The following HACD3 variants were observed in gnomAD, a reference collection of about 807,000 sequenced individuals.
HACD3 encodes 3-hydroxyacyl-CoA dehydratase 3.
A neutral mutation model predicts 55.2 loss-of-function variants in HACD3; 30 were observed. The ratio of observed to expected loss-of-function variants is 0.54; its 90% confidence interval spans 0.41 to 0.74. The LOEUF is 0.74. Ranked by LOEUF, HACD3 falls within the 30% of genes least tolerant of loss-of-function variation. The pLI is 0.00. For missense variants in HACD3, 363 were observed against 440.1 expected (o/e 0.82, Z 1.57); for synonymous variants, 141 against 151.7 (o/e 0.93, Z 0.52).
chr15:65,562,230 CTG>C (rs1486096112), intron 5 of HACD3, among the ~76,000 whole-genome samples: 1 of 152,346 alleles, frequency 6.6e-6, no homozygotes, highest in South Asian at 2.1e-4. Flanking sequence ...CTCAGCCTCT[CTG>C]TGCAGTGTTC....
intron 1 of HACD3, among the ~76,000 whole-genome samples, chr15:65,545,455 ATT>A (rs1166511305): frequency 7.1e-5 from 10 of 141,184 alleles, no homozygotes; most frequent in Admixed American, 7.1e-5. Flanking sequence ...TGGATCCTGG[ATT>A]TTTTTTTTTT....
chr15:65,530,695 C>T lies in HACD3; in HGVS notation c.64C>T (p.Arg22Cys). The T allele has an allele frequency of 2.5e-6, 4 of 1,573,496 alleles. No individual in the cohort carries two copies. The highest frequency in any genetic ancestry group is 2.3e-5 in the South Asian group (2 of 85,180). ...TCAGCGACACCGCGAGCTATATCTG[C>T]GCGTGGAGCTGAGTGACGTACAGGT... ...WAQRHRELYL[R>C]VELSDVQNPA... is the part of the protein sequence containing the mutation. Residue 22 changes from arginine to cysteine, a missense_variant, in exon 1 of 11, where the codon CGC (arginine) becomes TGC (cysteine). Arg to Cys is a radical substitution (Grantham distance 180). Coordinates refer to ENST00000261875, the MANE Select transcript of HACD3 (RefSeq NM_016395.4).
rs12333 is a variant in HACD3 at position 65,576,934 on chromosome 15, C to T, written c.*555C>T. The stretch of plus-strand genomic sequence containing the variant: ...TCTAAGAGTGGGGCTAGAGAACATA[C>T]TTTACATCTGACATCCTTTGGCCTA... On this transcript the variant is annotated 3_prime_UTR_variant, in exon 11 of 11. Transcript: ENST00000261875. 51,965 of 152,642 alleles carry T rather than the reference C, an allele frequency of 0.34. 11,651 individuals carry two copies. The highest frequency in any genetic ancestry group is 0.65 in the African/African-American group (26,746 of 41,428). The allele number at this position is 152,642 out of a possible 1,614,324, so 9.5% of individuals were successfully genotyped here.
chr15:65,539,531 T>A (rs565878252), intron 1 of HACD3, among the ~76,000 whole-genome samples: 17 of 152,228 alleles, frequency 1.1e-4, no homozygotes, highest in Middle Eastern at 3.4e-3. Context: ...GGACTTTTTT[T>A]ATACAGTTGG....
intron 1 of HACD3, among the ~76,000 whole-genome samples, chr15:65,531,726 C>T (rs535598563): frequency 2.0e-5 from 3 of 152,082 alleles, no homozygotes; most frequent in Admixed American, 6.6e-5. Context: ...CCACCATGCC[C>T]GGCTAATTTT....
intron 5 of HACD3, among the ~76,000 whole-genome samples, chr15:65,561,423 G>T (rs2072243302): frequency 6.6e-6 from 1 of 151,552 alleles, no homozygotes; most frequent in East Asian, 1.9e-4. Context: ...CCGAGATTGT[G>T]CCACTGCACT....
intron 7 of HACD3, among the ~76,000 whole-genome samples, chr15:65,569,633 A>G (rs1206892995): frequency 6.6e-6 from 1 of 151,938 alleles, no homozygotes; most frequent in Admixed American, 6.6e-5. Flanking sequence ...GCTTGAGCCC[A>G]GAAGTTCAAG....
At chr15:65,565,744 A>ATTACG (rs1367468256) in intron 7 of HACD3, 2 of 152,168 alleles carry the variant, frequency 1.3e-5, no homozygotes, top group Non-Finnish European at 2.9e-5. Flanking sequence ...GGTCTTGGGG[A>ATTACG]TTACATTGGG....
At position 65,553,609 on chromosome 15, in the gene HACD3, T is replaced by G. The variant is rs567829034; in HGVS notation, c.131-1278T>G. ...TTGTATCTGCTTTTCAAGATGAGAG[T>G]AGTCACCACTCAGCTCAGGTTTTTT... On this transcript the variant is annotated intron_variant, in intron 2 of 10. Transcript: ENST00000261875. Among the ~76,000 whole-genome samples, 3 of 152,170 alleles carry G rather than the reference T, an allele frequency of 2.0e-5. No individual in the cohort carries two copies. The South Asian group carries it at 6.2e-4, about 32-fold the overall frequency.
At chr15:65,539,104 G>A (rs1030379494) in intron 1 of HACD3, among the ~76,000 whole-genome samples, 1 of 151,460 alleles carries the variant, frequency 6.6e-6, no homozygotes, top group Non-Finnish European at 1.5e-5. Context: ...TAGCTCCAAG[G>A]TATGCCTGTA....
intron 10 of HACD3, among the ~76,000 whole-genome samples, chr15:65,575,930 T>C (rs962670593): frequency 1.6e-4 from 25 of 152,150 alleles, no homozygotes; most frequent in African/African-American, 6.0e-4. Context: ...CCACCTCTAC[T>C]AAAAATACAA....
intron 2 of HACD3, among the ~76,000 whole-genome samples, chr15:65,554,388 T>C (rs1295243490): frequency 6.6e-6 from 1 of 152,212 alleles, no homozygotes; most frequent in East Asian, 1.9e-4. Context: ...TATCTAGCTG[T>C]TGAGGAGCTC....
At chr15:65,565,525 C>G (rs936263613) in intron 7 of HACD3, 1 of 152,440 alleles carries the variant, frequency 6.6e-6, no homozygotes, top group East Asian at 1.9e-4. Flanking sequence ...CTCACCACCA[C>G]GTGGAAGCTG....
chr15:65,542,227 C>CAAA lies in HACD3; in HGVS notation c.88-9432_88-9430dup, dbSNP rs527287203. Reference sequence around the variant, plus strand: ...CTGGCGACAGAGTGAGACTCCATCTCAAAAAAAAAAAAAAAAAAAGAAAAG... The same window carrying CAAA: ...CTGGCGACAGAGTGAGACTCCATCTCAAAAAAAAAAAAAAAAAAAAAAGAAAAG... On this transcript the variant is annotated intron_variant, in intron 1 of 10. Coordinates refer to ENST00000261875, the MANE Select transcript of HACD3 (RefSeq NM_016395.4). 8.0e-3 allele frequency among the ~76,000 whole-genome samples: 502 copies of CAAA among 63,110 alleles called. 20 individuals carry two copies. Among genetic ancestry groups the CAAA allele is most frequent in the African/African-American group, 0.029 (467 of 16,138 alleles). The allele number at this position is 63,110 out of a possible 152,430, so 41.4% of individuals were successfully genotyped here. A position where few individuals can be genotyped will look rare whatever the true frequency, so the allele number is the denominator to read the frequency against.
intron 4 of HACD3, among the ~76,000 whole-genome samples, chr15:65,558,128 A>G (rs2141217461): frequency 6.6e-6 from 1 of 152,238 alleles, no homozygotes; most frequent in South Asian, 2.1e-4. Context: ...CCAGGTTGCC[A>G]TTGCCTTTAA....
At chr15:65,561,394 A>C (rs2072242884) in intron 5 of HACD3, among the ~76,000 whole-genome samples, 1 of 151,716 alleles carries the variant, frequency 6.6e-6, no homozygotes, top group Non-Finnish European at 1.5e-5. Context: ...TGAACCTGGG[A>C]GGTGGAGCGT....
intron 7 of HACD3, 55 bp downstream of exon 7, chr15:65,564,397 G>A: frequency 6.3e-7 from 1 of 1,578,774 alleles, no homozygotes. Context: ...TATTTGTCTA[G>A]TGGGTATGTG....
chr15:65,546,447 C>A (rs1357231807), intron 1 of HACD3, among the ~76,000 whole-genome samples: 2 of 152,074 alleles, frequency 1.3e-5, no homozygotes, highest in Admixed American at 6.5e-5. Flanking sequence ...TGAAATAATT[C>A]AGCAAAAAAC....
At chr15:65,572,209 T>G (rs2072354799) in intron 9 of HACD3, 26 bp from the exon 10 acceptor site, 1 of 1,609,530 alleles carries the variant, frequency 6.2e-7, no homozygotes, top group African/African-American at 1.3e-5. Flanking sequence ...CATTTGCTTC[T>G]AACAAGTTCT....
Sources: allele counts gnomAD v4.1 joint callset (sites outside exome capture counted in the v4.1 genomes callset), GRCh38; gene constraint gnomAD v4.1.1; transcripts MANE v1.5; gene names NCBI Gene and HGNC (gene_info 2026-07-23, HGNC 2026-07-21).